PDGFD: variants seen among roughly 807,000 people sequenced by gnomAD.
The protein encoded by PDGFD is platelet derived growth factor D, also known as platelet-derived growth factor D.
In PDGFD, 30 loss-of-function variants were observed where a neutral mutation model predicts 44.7. The ratio of observed to expected loss-of-function variants is 0.67; its 90% confidence interval spans 0.50 to 0.91. PDGFD has a LOEUF of 0.91. Among genes scored for constraint, PDGFD ranks in the 40% least tolerant of loss-of-function variants. The pLI is 0.00. For missense variants in PDGFD, 445 were observed against 457.8 expected (o/e 0.97, Z 0.25); for synonymous variants, 173 against 168.4 (o/e 1.03, Z -0.21).
At chr11:104,057,859 G>A (rs557434782) in intron 1 of PDGFD, among the ~76,000 whole-genome samples, 1 of 152,250 alleles carries the variant, frequency 6.6e-6, no homozygotes, top group African/African-American at 2.4e-5. Context: ...TCCGGAAAGA[G>A]ACCCATACAT....
chr11:104,037,394 C>T (rs925239904), intron 1 of PDGFD: 4 of 1,613,982 alleles, frequency 2.5e-6, no homozygotes, highest in Admixed American at 1.7e-5. Context: ...AGGGAAAAGG[C>T]CTTGAGAGAG....
At chr11:103,958,113 T>C (rs1858885009) in intron 3 of PDGFD, among the ~76,000 whole-genome samples, 1 of 152,074 alleles carries the variant, frequency 6.6e-6, no homozygotes, top group South Asian at 2.1e-4. Flanking sequence ...GGAGCACAGA[T>C]TTTATGCCGG....
At chr11:104,112,007 T>C (rs1346725273) in intron 1 of PDGFD, among the ~76,000 whole-genome samples, 1 of 152,168 alleles carries the variant, frequency 6.6e-6, no homozygotes, top group Non-Finnish European at 1.5e-5. Flanking sequence ...CAGTCTCAAA[T>C]AAGAACGTAA....
intron 1 of PDGFD, among the ~76,000 whole-genome samples, chr11:104,149,971 A>G (rs939625475): frequency 6.6e-6 from 1 of 152,158 alleles, no homozygotes; most frequent in African/African-American, 2.4e-5. Flanking sequence ...ACTTACATAT[A>G]TCACATGACA....
chr11:104,065,135 A>G (rs1860771103), intron 1 of PDGFD, among the ~76,000 whole-genome samples: 1 of 152,170 alleles, frequency 6.6e-6, no homozygotes, highest in Admixed American at 6.5e-5. Context: ...TCTGCCCTCA[A>G]ACATCAGACT....
intron 3 of PDGFD, among the ~76,000 whole-genome samples, chr11:103,991,880 G>A (rs992540637): frequency 2.0e-5 from 3 of 152,178 alleles, no homozygotes; most frequent in Non-Finnish European, 2.9e-5. Context: ...CCATTAGTCA[G>A]TATGCAGCAG....
chr11:104,112,961 G>A (rs1430919214), intron 1 of PDGFD, among the ~76,000 whole-genome samples: 1 of 151,920 alleles, frequency 6.6e-6, no homozygotes, highest in East Asian at 1.9e-4. Context: ...AAAATAATCT[G>A]TACAGCAAAC....
intron 1 of PDGFD, among the ~76,000 whole-genome samples, chr11:104,087,086 C>T (rs1364673169): frequency 2.3e-5 from 3 of 132,024 alleles, no homozygotes; most frequent in South Asian, 2.5e-4. Context: ...AGTGCAGTGG[C>T]GCAATCTCAG....
At chr11:104,091,873 A>G (rs1307534925) in intron 1 of PDGFD, among the ~76,000 whole-genome samples, 1 of 152,202 alleles carries the variant, frequency 6.6e-6, no homozygotes, top group Non-Finnish European at 1.5e-5. Context: ...AAATAACTAC[A>G]GTCATATCTA....
intron 6 of PDGFD, among the ~76,000 whole-genome samples, chr11:103,917,041 C>A (rs1237384115): frequency 6.6e-6 from 1 of 151,524 alleles, no homozygotes; most frequent in Non-Finnish European, 1.5e-5. Flanking sequence ...ACCTATGTAA[C>A]AAACCTGCAC....
intron 6 of PDGFD, among the ~76,000 whole-genome samples, chr11:103,918,158 A>G (rs2044584385): frequency 6.6e-6 from 1 of 152,202 alleles, no homozygotes; most frequent in African/African-American, 2.4e-5. Flanking sequence ...TTAGGGAGAC[A>G]AAGTGTCAGA....
At chr11:104,133,300 G>C (rs963722238) in intron 1 of PDGFD, among the ~76,000 whole-genome samples, 2 of 152,062 alleles carry the variant, frequency 1.3e-5, no homozygotes, top group African/African-American at 4.8e-5. Flanking sequence ...TTTAAAATTA[G>C]GAACAATTTT....
chr11:104,120,160 A>G (rs1279408089), intron 1 of PDGFD, among the ~76,000 whole-genome samples: 2 of 150,960 alleles, frequency 1.3e-5, no homozygotes, highest in African/African-American at 4.9e-5. Context: ...CTTAAATTGC[A>G]TTGATTATTT....
intron 1 of PDGFD, among the ~76,000 whole-genome samples, chr11:104,052,780 C>T (rs1162466511): frequency 6.6e-6 from 1 of 152,142 alleles, no homozygotes; most frequent in Non-Finnish European, 1.5e-5. Flanking sequence ...GTTGCTTTTG[C>T]ATAACATTTC....
chr11:103,930,048 T>A (rs1283105292), intron 5 of PDGFD, among the ~76,000 whole-genome samples: 1 of 152,226 alleles, frequency 6.6e-6, no homozygotes, highest in African/African-American at 2.4e-5. Flanking sequence ...CCTTATTTCA[T>A]CCCAGTCTAC....
rs148883185 is a variant in PDGFD, at chr11:103,914,630, C to G, written c.988-4811G>C. ...GCATCATCCTGATACCAAAACCTAG[C>G]AGTGACACAACAAAAAGAGGAAATT... is the stretch of plus-strand genomic sequence containing the variant. On this transcript the variant is annotated intron_variant, in intron 6 of 6. Transcript: ENST00000393158. Among the ~76,000 whole-genome samples, 68 of 152,240 alleles carry G rather than the reference C, an allele frequency of 4.5e-4. 1 individual carries two copies. Among genetic ancestry groups the G allele is most frequent in the African/African-American group, 1.6e-3 (67 of 41,548 alleles).
In PDGFD at chr11:104,030,327, A is replaced by G. The variant is rs144135214; in HGVS notation, c.125-30072T>C. 3.3e-3 allele frequency among the ~76,000 whole-genome samples: 498 copies of G among 152,320 alleles called. 2 individuals carry two copies. Among genetic ancestry groups the G allele is most frequent in the African/African-American group, 0.011 (475 of 41,566 alleles). The stretch of plus-strand genomic sequence containing the variant: ...TCCCTGACGCAGACAACATCCACCT[A>G]GTTTCCAATAAAATATCTTAATAGG... On this transcript the variant is annotated intron_variant, in intron 1 of 6. Coordinates refer to ENST00000393158, the MANE Select transcript of PDGFD (RefSeq NM_025208.5).
intron 1 of PDGFD, among the ~76,000 whole-genome samples, chr11:104,100,508 G>C (rs1861360982): frequency 2.0e-5 from 3 of 152,112 alleles, no homozygotes; most frequent in South Asian, 2.1e-4. Flanking sequence ...GGACCAGATG[G>C]ATTCACAGCT....
chr11:103,994,330 A>G (rs1228448335), intron 3 of PDGFD, among the ~76,000 whole-genome samples: 1 of 152,226 alleles, frequency 6.6e-6, no homozygotes, highest in Non-Finnish European at 1.5e-5. Flanking sequence ...TGAATAATTG[A>G]GAACAGATGC....
Sources: gnomAD v4.1 joint callset for allele counts (sites outside exome capture counted in the v4.1 genomes callset) on GRCh38, gnomAD v4.1.1 for gene constraint, MANE v1.5 for transcripts, NCBI Gene and HGNC (gene_info 2026-07-23, HGNC 2026-07-21) for gene names.